PMS1: variants seen among roughly 807,000 people sequenced by gnomAD.
PMS1 encodes PMS1 homolog 1, mismatch repair system component.
A neutral mutation model predicts 93.1 loss-of-function variants in PMS1; 79 were observed. The ratio of observed to expected loss-of-function variants is 0.85; its 90% CI spans 0.71 to 1.02. The LOEUF is 1.02. Among genes scored for constraint, PMS1 ranks in the 50% least tolerant of loss-of-function variants. The pLI is 0.00. For synonymous variants in PMS1, 335 were observed against 363.4 expected (o/e 0.92, Z 0.89); for missense variants, 1,064 against 1,085.3 (o/e 0.98, Z 0.28).
At chr2:189,841,504 T>C (rs1185238678) in intron 5 of PMS1, among the ~76,000 whole-genome samples, 1 of 152,200 alleles carries the variant, frequency 6.6e-6, no homozygotes, top group East Asian at 1.9e-4. Context: ...TTGATTATTG[T>C]CACCTTTTCC....
At chr2:189,855,357 T>A (rs1480893761) in intron 9 of PMS1, among the ~76,000 whole-genome samples, 2 of 151,726 alleles carry the variant, frequency 1.3e-5, no homozygotes, top group Non-Finnish European at 2.9e-5. Flanking sequence ...GTTTAAGCCT[T>A]AACTGCTTTC....
intron 5 of PMS1, among the ~76,000 whole-genome samples, chr2:189,825,961 A>G (rs1233287): frequency 0.021 from 3,169 of 152,328 alleles, 103 homozygotes; most frequent in African/African-American, 0.071. Context: ...GCCCTTAACC[A>G]GGAACAGAGA....
intron 12 of PMS1, 110 bp downstream of exon 12, chr2:189,873,766 A>G (rs1240444321): frequency 1.4e-6 from 1 of 714,938 alleles, no homozygotes; most frequent in Non-Finnish European, 2.5e-6. Context: ...CCTAGCGGGC[A>G]TCACCACCTG....
intron 5 of PMS1, among the ~76,000 whole-genome samples, chr2:189,826,986 G>A (rs2052491497): frequency 6.6e-6 from 1 of 152,094 alleles, no homozygotes; most frequent in African/African-American, 2.4e-5. Context: ...TATTTAGGGA[G>A]TATATTTTCA....
chr2:189,808,742 G>T lies in PMS1; in HGVS notation c.418+2988G>T, dbSNP rs113181344. Among the ~76,000 whole-genome samples the T allele has an allele frequency of 1.8e-4, 28 of 152,264 alleles. No homozygotes were observed. In the South Asian group the frequency reaches 3.1e-3, roughly 17 times the overall value. ...AATTCAGCCATTTAAAATGATTTAT[G>T]TGTTTAACAGTATGTCACCCTAAGT... On this transcript the variant is annotated intron_variant, in intron 4 of 12. Transcript: ENST00000441310.
intron 4 of PMS1, among the ~76,000 whole-genome samples, chr2:189,817,395 A>G (rs1159960303): frequency 6.6e-6 from 1 of 152,226 alleles, no homozygotes; most frequent in African/African-American, 2.4e-5. Context: ...GTATATGGCT[A>G]TGACAAACAT....
intron 5 of PMS1, among the ~76,000 whole-genome samples, chr2:189,836,376 A>T (rs1160736654): frequency 6.6e-6 from 1 of 152,190 alleles, no homozygotes; most frequent in Non-Finnish European, 1.5e-5. Flanking sequence ...AGGTGCTCCA[A>T]CTTTGTGTGA....
chr2:189,856,901 A>G (rs2055391895), intron 9 of PMS1, among the ~76,000 whole-genome samples: 1 of 152,064 alleles, frequency 6.6e-6, no homozygotes, highest in African/African-American at 2.4e-5. Context: ...CTAAAAATCC[A>G]TTTACCATCA....
intron 5 of PMS1, among the ~76,000 whole-genome samples, chr2:189,827,795 T>C (rs1003603752): frequency 6.6e-6 from 1 of 152,032 alleles, no homozygotes; most frequent in African/African-American, 2.4e-5. Flanking sequence ...CTAAGAAAGT[T>C]GATTTCATAG....
intron 1 of PMS1, among the ~76,000 whole-genome samples, chr2:189,787,787 A>G (rs1037811176): frequency 1.3e-5 from 2 of 152,234 alleles, no homozygotes; most frequent in African/African-American, 4.8e-5. Context: ...TAAACTTTCT[A>G]AAACTCAATC....
At chr2:189,853,162 G>A (rs909952116) in intron 7 of PMS1, among the ~76,000 whole-genome samples, 4 of 150,396 alleles carry the variant, frequency 2.7e-5, no homozygotes, top group Admixed American at 2.6e-4. Flanking sequence ...TGAGCAATTC[G>A]CCTGCCTCAG....
In PMS1 at chr2:189,873,496, G is replaced by A; in HGVS notation, c.2474G>A (p.Gly825Glu). 6.3e-7 allele frequency: 1 copy of A among 1,581,176 alleles called. No homozygotes were observed. The highest frequency in any genetic ancestry group is 8.7e-7 in the Non-Finnish European group (1 of 1,150,874). Reference protein sequence around the residue: ...ANGFKIKLIPGVSITENYLEI... With the variant: ...ANGFKIKLIPEVSITENYLEI... ...TGTGTTTTTATTTTTTTTCTTTCAG[G>A]AGTTTCAATTACTGAAAATTACTTG... Residue 825 changes from glycine to glutamate, a missense_variant and splice_region_variant, in exon 12 of 13, where the codon GGA becomes GAA. Physicochemically the swap from Gly to Glu is moderately conservative, Grantham distance 98. Transcript: ENST00000441310.
intron 4 of PMS1, among the ~76,000 whole-genome samples, chr2:189,816,672 C>T (rs2051330804): frequency 6.6e-6 from 1 of 152,052 alleles, no homozygotes. Flanking sequence ...TTCTTTTTCT[C>T]CTCTTGGAAC....
chr2:189,795,277 A>G (rs1267814177), intron 2 of PMS1, among the ~76,000 whole-genome samples: 2 of 152,058 alleles, frequency 1.3e-5, no homozygotes, highest in Non-Finnish European at 2.9e-5. Context: ...CCTGCCATAG[A>G]AAAGCAAAAT....
intron 5 of PMS1, among the ~76,000 whole-genome samples, chr2:189,829,732 A>G (rs1421754272): frequency 1.3e-5 from 2 of 152,204 alleles, no homozygotes; most frequent in South Asian, 2.1e-4. Context: ...TCAGCAAACC[A>G]GAAGCCTTAG....
chr2:189,797,655 G>A, intron 3 of PMS1, among the ~76,000 whole-genome samples: 1 of 152,188 alleles, frequency 6.6e-6, no homozygotes, highest in Admixed American at 6.5e-5. Context: ...GAATGTTCCA[G>A]TACAGTAAAA....
chr2:189,785,315 G>A (rs1312564803), intron 1 of PMS1: 1 of 151,854 alleles, frequency 6.6e-6, no homozygotes, highest in African/African-American at 2.4e-5. Flanking sequence ...ATGGAAGTCT[G>A]TGAGTTCTCT....
chr2:189,833,573 T>A (rs2053140584), intron 5 of PMS1, among the ~76,000 whole-genome samples: 2 of 152,192 alleles, frequency 1.3e-5, no homozygotes, highest in Admixed American at 1.3e-4. Context: ...AGAGTGAGAC[T>A]GTCTCAAAAA....
intron 12 of PMS1, among the ~76,000 whole-genome samples, chr2:189,875,329 A>T (rs1292230442): frequency 6.6e-6 from 1 of 151,640 alleles, no homozygotes; most frequent in Non-Finnish European, 1.5e-5. Context: ...GGATACTAAA[A>T]TCCAGGCATG....
Sources: allele counts gnomAD v4.1 joint callset (sites outside exome capture counted in the v4.1 genomes callset), GRCh38; gene constraint gnomAD v4.1.1; transcripts MANE v1.5; gene names NCBI Gene and HGNC (gene_info 2026-07-23, HGNC 2026-07-21).